KCNQ5: variants seen among roughly 807,000 people sequenced by gnomAD.
The protein encoded by KCNQ5 is potassium voltage-gated channel subfamily Q member 5, also known as potassium voltage-gated channel subfamily KQT member 5.
A neutral mutation model predicts 98.2 loss-of-function variants in KCNQ5; 30 were observed. The observed-to-expected ratio is 0.31, with a 90% confidence interval of 0.23 to 0.41. KCNQ5 has a LOEUF of 0.41. KCNQ5 is among the 10% of genes least tolerant of loss of function. The pLI, the probability that KCNQ5 is intolerant of heterozygous loss-of-function variation, is 1.00. For missense variants in KCNQ5, 835 were observed against 1,182.5 expected, an observed-to-expected ratio of 0.71 and a Z score of 4.31; for synonymous variants, 458 against 449.4, an observed-to-expected ratio of 1.02 and a Z score of -0.24.
intron 1 of KCNQ5, among the ~76,000 whole-genome samples, chr6:72,680,720 C>A (rs1460513960): frequency 6.6e-6 from 1 of 152,164 alleles, no homozygotes; most frequent in Non-Finnish European, 1.5e-5. Flanking sequence ...GTCTAGAACT[C>A]CCCCCAAAAT....
chr6:73,139,960 C>T (rs1366577468), intron 10 of KCNQ5, among the ~76,000 whole-genome samples: 1 of 150,162 alleles, frequency 6.7e-6, no homozygotes, highest in African/African-American at 2.5e-5. Context: ...TGCCAGAACC[C>T]TCAAGTCTTC....
intron 11 of KCNQ5, among the ~76,000 whole-genome samples, chr6:73,184,175 C>G (rs766126344): frequency 2.0e-5 from 3 of 152,174 alleles, no homozygotes; most frequent in Non-Finnish European, 4.4e-5. Flanking sequence ...TGCCTTTCTC[C>G]TTATTTCCTC....
At chr6:72,735,261 G>T (rs62410660) in intron 1 of KCNQ5, among the ~76,000 whole-genome samples, 37,136 of 152,030 alleles carry the variant, frequency 0.24, 4,644 homozygotes, top group Non-Finnish European at 0.28. Context: ...TACAGTTCAG[G>T]ACATGTATGG....
rs887404126 is a variant in KCNQ5 at position 73,170,291 on chromosome 6, A to C, written c.1577+437A>C. On this transcript the variant is annotated intron_variant, in intron 11 of 13. Transcript: ENST00000370398. ...AAATGGGAAACCTAAAGTATTTTGCAGTGACTTAGTCTTATTATCTGAAAT... is the reference window on the plus strand; with the variant it reads ...AAATGGGAAACCTAAAGTATTTTGCCGTGACTTAGTCTTATTATCTGAAAT... Among the ~76,000 whole-genome samples the C allele has an allele frequency of 2.0e-5, 3 of 152,184 alleles. No individual in the cohort carries two copies. The East Asian group carries it at 5.8e-4, about 29-fold the overall frequency.
intron 1 of KCNQ5, among the ~76,000 whole-genome samples, chr6:72,855,633 G>T (rs946201886): frequency 1.3e-5 from 2 of 152,134 alleles, no homozygotes; most frequent in Non-Finnish European, 1.5e-5. Flanking sequence ...AAAGGCACTC[G>T]TGAAATTTTG....
At chr6:73,143,873 G>A (rs893451533) in intron 10 of KCNQ5, among the ~76,000 whole-genome samples, 4 of 152,104 alleles carry the variant, frequency 2.6e-5, no homozygotes, top group African/African-American at 9.7e-5. Context: ...TGTGGGTGAC[G>A]TCCAAAATTC....
At chr6:72,872,653 T>A (rs754027109) in intron 1 of KCNQ5, among the ~76,000 whole-genome samples, 1 of 152,142 alleles carries the variant, frequency 6.6e-6, no homozygotes, top group Non-Finnish European at 1.5e-5. Context: ...AGAGCCAGGA[T>A]TTGAACCCAG....
At chr6:73,032,136 A>G (rs1213955846) in intron 2 of KCNQ5, among the ~76,000 whole-genome samples, 1 of 152,236 alleles carries the variant, frequency 6.6e-6, no homozygotes, top group Non-Finnish European at 1.5e-5. Context: ...GCTGACATGT[A>G]CTAATTTCTC....
intron 6 of KCNQ5, among the ~76,000 whole-genome samples, chr6:73,108,601 C>T (rs183187702): frequency 3.9e-5 from 6 of 152,110 alleles, no homozygotes; most frequent in Non-Finnish European, 5.9e-5. Flanking sequence ...CCGAGGCGGT[C>T]GGATCACAAG....
intron 1 of KCNQ5, among the ~76,000 whole-genome samples, chr6:72,627,945 C>G (rs965458384): frequency 6.6e-6 from 1 of 152,164 alleles, no homozygotes; most frequent in African/African-American, 2.4e-5. Flanking sequence ...GTTAGGTGCC[C>G]CTTCTTTCAG....
chr6:72,791,340 T>A (rs1241380462), intron 1 of KCNQ5, among the ~76,000 whole-genome samples: 1 of 152,206 alleles, frequency 6.6e-6, no homozygotes, highest in African/African-American at 2.4e-5. Flanking sequence ...TCAGCTAGAC[T>A]AGTATCCAGA....
intron 5 of KCNQ5, among the ~76,000 whole-genome samples, chr6:73,084,576 C>A (rs1333744100): frequency 3.3e-5 from 5 of 152,210 alleles, no homozygotes; most frequent in Non-Finnish European, 7.3e-5. Flanking sequence ...GCCATGCCAT[C>A]AGGATGCTGC....
intron 1 of KCNQ5, among the ~76,000 whole-genome samples, chr6:72,673,765 A>G (rs977982136): frequency 2.0e-5 from 3 of 152,340 alleles, no homozygotes; most frequent in Admixed American, 2.0e-4. Context: ...TAGCTGGTTA[A>G]TCACTATGTT....
intron 1 of KCNQ5, among the ~76,000 whole-genome samples, chr6:72,905,004 G>A (rs1042011117): frequency 6.6e-6 from 1 of 152,018 alleles, no homozygotes; most frequent in Non-Finnish European, 1.5e-5. Flanking sequence ...CCTCAGGAAT[G>A]CTAATTATTT....
chr6:72,689,180 C>T (rs1022090511), intron 1 of KCNQ5, among the ~76,000 whole-genome samples: 10 of 152,176 alleles, frequency 6.6e-5, no homozygotes, highest in African/African-American at 2.4e-4. Context: ...AAAAACCATG[C>T]AGCTACTCCC....
intron 1 of KCNQ5, among the ~76,000 whole-genome samples, chr6:72,681,232 A>G (rs902343225): frequency 1.3e-5 from 2 of 152,218 alleles, no homozygotes; most frequent in African/African-American, 4.8e-5. Flanking sequence ...GAATAAAGCA[A>G]CGGGGGCTTG....
At chr6:73,038,178 T>C (rs1771524770) in intron 2 of KCNQ5, among the ~76,000 whole-genome samples, 1 of 152,000 alleles carries the variant, frequency 6.6e-6, no homozygotes, top group Non-Finnish European at 1.5e-5. Flanking sequence ...TTCCACATGA[T>C]CATTGTTAGT....
intron 1 of KCNQ5, among the ~76,000 whole-genome samples, chr6:72,816,198 A>AGATGC (rs1775502373): frequency 1.3e-5 from 2 of 152,136 alleles, no homozygotes; most frequent in Admixed American, 1.3e-4. Flanking sequence ...ACCTGAGAAG[A>AGATGC]GATGCTGAAT....
intron 11 of KCNQ5, among the ~76,000 whole-genome samples, chr6:73,184,400 T>G (rs1770902190): frequency 6.6e-6 from 1 of 152,262 alleles, no homozygotes. Flanking sequence ...CAGAGGCTTA[T>G]GCTCTTTCTG....
Sources: allele counts gnomAD v4.1 joint callset (sites outside exome capture counted in the v4.1 genomes callset), GRCh38; gene constraint gnomAD v4.1.1; transcripts MANE v1.5; gene names NCBI Gene and HGNC (gene_info 2026-07-23, HGNC 2026-07-21).